Variants in ABCA7 observed in about 807,000 individuals in gnomAD.
The protein encoded by ABCA7 is phospholipid-transporting ATPase ABCA7.
A neutral mutation model predicts 227.6 loss-of-function variants in ABCA7; 261 were observed. The observed-to-expected ratio is 1.15, with a 90% CI of 1.04 to 1.27. ABCA7 has a LOEUF of 1.27. Among genes scored for constraint, ABCA7 ranks in the 50% most tolerant of loss-of-function variants. ABCA7 has a pLI of 0.00. For synonymous variants in ABCA7, 1,488 were observed against 1,279.7 expected, an observed-to-expected ratio of 1.16 and a Z score of -3.47; for missense variants, 3,331 against 2,924.5, an observed-to-expected ratio of 1.14 and a Z score of -3.21.
At chr19:1,058,339 A>G in intron 37 of ABCA7, 70 bp downstream of exon 37, 1 of 1,577,050 alleles carries the variant, frequency 6.3e-7, no homozygotes, top group South Asian at 1.2e-5. Context: ...AGAGTTAATT[A>G]TACAGAGTGG....
At chr19:1,042,235 G>C in intron 5 of ABCA7, 59 bp downstream of exon 5, 1 of 1,587,796 alleles carries the variant, frequency 6.3e-7, no homozygotes, top group Non-Finnish European at 8.6e-7. Context: ...TTGCCGGGCC[G>C]TGAAATGGGC....
chr19:1,057,792 A>C (rs2144917012), intron 35 of ABCA7, 123 bp from the exon 36 acceptor site: 1 of 1,299,306 alleles, frequency 7.7e-7, no homozygotes, highest in Non-Finnish European at 1.1e-6. Flanking sequence ...AAAAAAAAAC[A>C]GAAATGTGCT....
Position 1,047,549 on chromosome 19 carries a change from C to T in ABCA7, c.2164C>T (p.Arg722Trp), listed in dbSNP as rs1236190704. The T allele has an allele frequency of 5.0e-6, 8 of 1,600,580 alleles. No homozygotes were observed. The highest frequency in any genetic ancestry group is 1.1e-5 in the South Asian group (1 of 90,502). ...CGCGCAGTGGCACAACGTGGGCACC[C>T]GGCCTACGGCAGACGTCTTCAGCCT... ...EGAQWHNVGT[R>W]PTADVFSLAQ... The change falls in exon 16 of 47, where the codon CGG (arginine) becomes TGG (tryptophan). Residue 722 changes from arginine to tryptophan, a missense_variant. Physicochemically the swap from Arg to Trp is moderately radical, Grantham distance 101 (BLOSUM62 -3). Transcript: ENST00000263094.
intron 10 of ABCA7, 96 bp downstream of exon 10, chr19:1,043,937 CT>C (rs374000299): frequency 0.14 from 91,060 of 648,998 alleles, 214 homozygotes; most frequent in East Asian, 0.19. Context: ...CAGACCCCCA[CT>C]TTTTTTTTTT....
intron 12 of ABCA7, 141 bp downstream of exon 12, chr19:1,045,372 C>G (rs548638369): frequency 3.1e-5 from 28 of 891,628 alleles, no homozygotes; most frequent in Middle Eastern, 3.5e-4. Flanking sequence ...GTAGCCAGAG[C>G]CCGGGGCTCC....
Position 1,050,964 on chromosome 19 carries a change from T to C in ABCA7, c.2596T>C (p.Phe866Leu). Residue 866 changes from phenylalanine (F) to leucine (L), a missense_variant, in exon 19 of 47, where the codon TTC becomes CTC. Transcript: ENST00000263094. ...GLFPPSGGSA[F>L]ILGHDVRSSM... ...CTTCCCACCCAGTGGTGGCTCTGCC[T>C]TCATCCTGGGCCACGACGTCCGCTC... 1 of 1,612,054 alleles carries C rather than the reference T, an allele frequency of 6.2e-7. No individual in the cohort carries two copies. The highest frequency in any genetic ancestry group is 1.1e-5 in the South Asian group (1 of 90,960).
At chr19:1,046,660 TGGC>T in intron 13 of ABCA7, 139 bp from the exon 14 acceptor site, 1 of 1,138,128 alleles carries the variant, frequency 8.8e-7, no homozygotes, top group Non-Finnish European at 1.2e-6. Flanking sequence ...AGCCAAAGGC[TGGC>T]TGGATCAGGT....
chr19:1,045,107 T>C lies in ABCA7; in HGVS notation c.1321T>C (p.Leu441=). 3 of 1,612,932 alleles carry C rather than the reference T, an allele frequency of 1.9e-6. No individual in the cohort carries two copies. The highest frequency in any genetic ancestry group is 1.7e-6 in the Non-Finnish European group (2 of 1,179,972). Residue 441 remains leucine (L), a synonymous_variant, in exon 12 of 47, where the codon TTG becomes CTG. Coordinates refer to ENST00000263094, the MANE Select transcript of ABCA7 (RefSeq NM_019112.4). ...TCGATTCTGGGCCGGCGTCGTCTTC[T>C]TGGGACCTGAGGACTCTTCAGACCC... ...EHRFWAGVVF[L]GPEDSSDPTE... is the part of the protein sequence containing the mutation.
rs904714633 is a variant in ABCA7, at chr19:1,061,822, C to T, written c.5504C>T (p.Ser1835Phe). 1 of 1,611,264 alleles carries T rather than the reference C, an allele frequency of 6.2e-7. No individual in the cohort carries two copies. The highest frequency in any genetic ancestry group is 1.3e-5 in the African/African-American group (1 of 74,778). ...LLGVNGAGKT[S>F]TFRMVTGDTL... ...GGTGTGAATGGAGCAGGGAAGACGT[C>T]CACGTTTCGCATGGTGACGGGGGAC... Residue 1835 changes from serine (S) to phenylalanine (F), a missense_variant, in exon 41 of 47, where the codon TCC (serine) becomes TTC (phenylalanine). Transcript: ENST00000263094.
Position 1,058,248 on chromosome 19 carries a change from G to A in ABCA7, c.5128G>A (p.Ala1710Thr), listed in dbSNP as rs542156834. ...TGACATGGTGCGGAACCAGGCCATG[G>A]CTGATGCCTTTGAGCGCTTGGGTGA... ...LIDMVRNQAMADAFERLGDRQ... is the reference protein window; with the variant it reads ...LIDMVRNQAMTDAFERLGDRQ... Residue 1710 changes from alanine to threonine, a missense_variant, in exon 37 of 47, where the codon GCT becomes ACT. By Grantham distance (58) the Ala-to-Thr change is moderately conservative (BLOSUM62 0). Transcript: ENST00000263094. 1.9e-6 allele frequency: 3 copies of A among 1,613,620 alleles called. No individual in the cohort carries two copies. The highest frequency in any genetic ancestry group is 4.5e-5 in the East Asian group (2 of 44,850).
rs1038923507 is a variant in ABCA7 at position 1,053,910 on chromosome 19, A to C, written c.3472+74A>C. The C allele has an allele frequency of 2.6e-5, 41 of 1,592,766 alleles. No homozygotes were observed. In the African/African-American group the frequency reaches 5.5e-4, roughly 21 times the overall value. On this transcript the variant is annotated intron_variant, in intron 25 of 46. Transcript: ENST00000263094. ...GAGGCCAGGTCCCCATCCCTGGCTT[A>C]GTGTGGCCCAAGGCATAGCCTTTAC...
chr19:1,044,040 C>T (rs370494056), intron 10 of ABCA7, among the ~76,000 whole-genome samples, 199 bp downstream of exon 10: 7 of 150,356 alleles, frequency 4.7e-5, no homozygotes, highest in African/African-American at 1.5e-4. Flanking sequence ...CGGGTTCAAG[C>T]GATTCTCCTG....
Position 1,065,529 on chromosome 19 carries a change from G to T in ABCA7, c.*104G>T. On this transcript the variant is annotated 3_prime_UTR_variant, in exon 47 of 47. Coordinates refer to ENST00000263094, the MANE Select transcript of ABCA7 (RefSeq NM_019112.4). ...AGGCTGGCAGAGGGGCTGGTGCCCT[G>T]GAGAAAATAAAGAGAAGGCTGGAGA... The T allele has an allele frequency of 1.5e-6, 2 of 1,362,932 alleles. No individual in the cohort carries two copies. The highest frequency in any genetic ancestry group is 2.7e-5 in the South Asian group (2 of 75,236). The allele number at this position is 1,362,932 out of a possible 1,614,324, so 84.4% of individuals were successfully genotyped here. A position where few individuals can be genotyped will look rare whatever the true frequency, so the allele number is the denominator to read the frequency against.
At chr19:1,063,700 G>A in intron 43 of ABCA7, 22 bp downstream of exon 43, 1 of 1,570,492 alleles carries the variant, frequency 6.4e-7, no homozygotes, top group Non-Finnish European at 8.6e-7. Context: ...CGGTGCCTGG[G>A]TGGGGTGGGG....
Position 1,065,438 on chromosome 19 carries a change from T to G in ABCA7, c.*13T>G, listed in dbSNP as rs762157880. ...GACTGTGCTCTGAGCCTCCCTCCCC[T>G]GCGGGGCCGCGGGGAGGCCCTGGGA... On this transcript the variant is annotated 3_prime_UTR_variant, in exon 47 of 47. Coordinates refer to ENST00000263094, the MANE Select transcript of ABCA7 (RefSeq NM_019112.4). The G allele has an allele frequency of 1.3e-5, 21 of 1,612,200 alleles. No homozygotes were observed. The highest frequency in any genetic ancestry group is 1.8e-5 in the Non-Finnish European group (21 of 1,179,306).
rs2041982072 is a variant in ABCA7, at chr19:1,053,613, G to C, written c.3423+82G>C. ...TGGTGTTTTGAAGGATGAATAGCGT[G>C]TTTATGAGCAGCAAGGACATTCAGG... On this transcript the variant is annotated intron_variant, in intron 24 of 46. Coordinates refer to ENST00000263094, the MANE Select transcript of ABCA7 (RefSeq NM_019112.4). 2.0e-6 allele frequency: 3 copies of C among 1,523,722 alleles called. No homozygotes were observed. The African/African-American group carries it at 4.1e-5, about 21-fold the overall frequency. 94.4% of individuals were successfully genotyped at this position (1,523,722 alleles called of 1,614,324 possible).
intron 40 of ABCA7, among the ~76,000 whole-genome samples, chr19:1,060,507 G>A (rs1023653645): frequency 6.7e-6 from 1 of 149,924 alleles, no homozygotes; most frequent in Non-Finnish European, 1.5e-5. Context: ...CACCATGCCC[G>A]GCCTTTGTTT....
At chr19:1,045,607 C>G (rs556404600) in intron 12 of ABCA7, 10 of 241,360 alleles carry the variant, frequency 4.1e-5, no homozygotes, top group African/African-American at 2.3e-4. Flanking sequence ...GTGGGAGAAT[C>G]TCTTGAGGAC....
rs145632609 is a variant in ABCA7 at position 1,056,942 on chromosome 19, G to A, written c.4622G>A (p.Cys1541Tyr). 1.2e-4 allele frequency: 189 copies of A among 1,613,970 alleles called. No individual in the cohort carries two copies. Among genetic ancestry groups the A allele is most frequent in the Middle Eastern group, 3.3e-4 (2 of 6,062 alleles). The stretch of plus-strand genomic sequence containing the variant: ...TCGGTGGACGTCCTCGTCTCCATCT[G>A]TGTGGTCTTTGCCATGTCCTTTGTC... ...ASSVDVLVSI[C>Y]VVFAMSFVPA... Residue 1541 changes from cysteine to tyrosine, a missense_variant, in exon 34 of 47, where the codon TGT becomes TAT. Physicochemically the swap from Cys to Tyr is radical, Grantham distance 194. Transcript: ENST00000263094. This position sits in a 1 kb window ranked among gnomAD's most constrained non-coding sequence, Gnocchi z 4.3.
Sources: gnomAD v4.1 joint callset for allele counts (sites outside exome capture counted in the v4.1 genomes callset) on GRCh38, gnomAD v4.1.1 for gene constraint, Gnocchi (gnomAD v3.1) non-coding constraint, MANE v1.5 for transcripts, NCBI Gene and HGNC (gene_info 2026-07-23, HGNC 2026-07-21) for gene names.